The following YAF2 variants were observed in gnomAD, a reference collection of about 807,000 sequenced individuals.
YAF2 encodes the protein YY1 associated factor 2.
A neutral mutation model predicts 20.1 loss-of-function variants in YAF2; 7 were observed. That is an observed-to-expected ratio of 0.35 (90% CI 0.20 to 0.65). YAF2 has a LOEUF of 0.65. Among genes scored for constraint, YAF2 ranks in the 30% least tolerant of loss-of-function variants. The pLI, the probability that YAF2 is intolerant of heterozygous loss-of-function variation, is 0.69. For missense variants in YAF2, 151 were observed against 219.2 expected (o/e 0.69, Z 1.96); for synonymous variants, 74 against 76.0 (o/e 0.97, Z 0.14).
rs2068069788 is a variant in YAF2, at chr12:42,234,198, AGAAAAGAAAAG to A, written c.152+3390_152+3400del. On this transcript the variant is annotated intron_variant, in intron 2 of 3. Coordinates refer to ENST00000534854, the MANE Select transcript of YAF2 (RefSeq NM_005748.6). ...TCTGCCTCAAAAAAAAAAAGAGAAA[AGAAAAGAAAAG>A]AAAAGAAAAGAAAAGAAAAGAAAGA... 2.6e-5 allele frequency: 4 copies of A among 152,506 alleles called. No individual in the cohort carries two copies. The African/African-American group carries it at 5.5e-4, about 21-fold the overall frequency. The allele number at this position is 152,506 out of a possible 1,614,324, so 9.4% of individuals were successfully genotyped here. A position where few individuals can be genotyped will look rare whatever the true frequency, so the allele number is the denominator to read the frequency against.
intron 2 of YAF2, among the ~76,000 whole-genome samples, chr12:42,209,177 C>CAACAT (rs1170050264): frequency 6.6e-6 from 1 of 151,438 alleles, no homozygotes; most frequent in Non-Finnish European, 1.5e-5. Flanking sequence ...AATAGACTTG[C>CAACAT]AACATATCCT....
intron 2 of YAF2, among the ~76,000 whole-genome samples, chr12:42,187,080 G>A (rs1281871846): frequency 6.6e-6 from 1 of 151,826 alleles, no homozygotes; most frequent in Non-Finnish European, 1.5e-5. Context: ...CACAGATTTG[G>A]TTTATTATGA....
rs1216541573 is a variant in YAF2, at chr12:42,236,024, A to G, written c.152+1575T>C. ...TGCAAATAAACATATAGGCTCTTCT[A>G]GTTTCAGTATTTTTCTAATGGCTAC... On this transcript the variant is annotated intron_variant, in intron 2 of 3. Transcript: ENST00000534854. The G allele has an allele frequency of 3.9e-6, 6 of 1,534,786 alleles. No homozygotes were observed. In the South Asian group the frequency reaches 7.1e-5, roughly 18 times the overall value.
intron 2 of YAF2, among the ~76,000 whole-genome samples, chr12:42,199,901 C>CA (rs1285016511): frequency 6.6e-6 from 1 of 152,102 alleles, no homozygotes; most frequent in African/African-American, 2.4e-5. Flanking sequence ...TGGCACATAA[C>CA]AATTCAAGGT....
In YAF2 at chr12:42,160,842, TGAAA is replaced by T. The variant is rs1380097075; in HGVS notation, c.306-20_306-17del. The T allele has an allele frequency of 6.3e-7, 1 of 1,580,064 alleles. No individual in the cohort carries two copies. Among genetic ancestry groups the T allele is most frequent in the Non-Finnish European group, 8.6e-7 (1 of 1,164,412 alleles). On this transcript the variant is annotated splice_polypyrimidine_tract_variant and intron_variant, in intron 3 of 3. Coordinates refer to ENST00000534854, the MANE Select transcript of YAF2 (RefSeq NM_005748.6). The stretch of plus-strand genomic sequence containing the variant: ...CAATCTTGGCCTAAACATAAAAAAA[TGAAA>T]TTTTAAACTAGCTTTTCCCTCTACC...
At chr12:42,198,378 G>C (rs2066810165) in intron 2 of YAF2, among the ~76,000 whole-genome samples, 1 of 152,164 alleles carries the variant, frequency 6.6e-6, no homozygotes, top group African/African-American at 2.4e-5. Flanking sequence ...GAGCTCAGGA[G>C]TTTGAGACCA....
At chr12:42,194,763 A>G (rs1454201959) in intron 2 of YAF2, among the ~76,000 whole-genome samples, 1 of 152,228 alleles carries the variant, frequency 6.6e-6, no homozygotes, top group Admixed American at 6.5e-5. Flanking sequence ...CAGGCCCTAC[A>G]TTACAGGTAT....
intron 2 of YAF2, among the ~76,000 whole-genome samples, chr12:42,214,094 ATC>A (rs1025321717): frequency 3.9e-5 from 6 of 152,130 alleles, no homozygotes; most frequent in Non-Finnish European, 1.5e-5. Flanking sequence ...TTCCAATAAA[ATC>A]TCAGTGTCAT....
intron 2 of YAF2, among the ~76,000 whole-genome samples, chr12:42,189,739 G>A (rs1404211766): frequency 1.3e-5 from 2 of 151,996 alleles, no homozygotes; most frequent in Non-Finnish European, 2.9e-5. Flanking sequence ...GTATTAATTA[G>A]TATTAATTAA....
intron 2 of YAF2, 136 bp downstream of exon 2, chr12:42,237,463 C>T: frequency 7.4e-7 from 1 of 1,354,924 alleles, no homozygotes; most frequent in East Asian, 3.2e-5. Flanking sequence ...TGACCCAGTT[C>T]CTATCGCCAC....
At chr12:42,214,510 G>A (rs1243315470) in intron 2 of YAF2, among the ~76,000 whole-genome samples, 5 of 151,734 alleles carry the variant, frequency 3.3e-5, no homozygotes, top group Admixed American at 3.3e-4. Context: ...GAGCTAAAGT[G>A]ATCCAATGGC....
intron 2 of YAF2, among the ~76,000 whole-genome samples, chr12:42,216,269 A>G (rs2067355320): frequency 6.6e-6 from 1 of 152,224 alleles, no homozygotes; most frequent in South Asian, 2.1e-4. Flanking sequence ...ATCACTACGC[A>G]AAAGTATTAT....
At position 42,235,582 on chromosome 12, in the gene YAF2, A is replaced by T. The variant is rs2068124188; in HGVS notation, c.152+2017T>A. On this transcript the variant is annotated intron_variant, in intron 2 of 3. Transcript: ENST00000534854. ...AGAGAATTCAGAGAGAGGAAGGAAG[A>T]AGCTGAGAGGGTCGTGGTGTAGAAC... 4 of 1,420,370 alleles carry T rather than the reference A, an allele frequency of 2.8e-6. No individual in the cohort carries two copies. In the South Asian group the frequency reaches 6.0e-5, roughly 21 times the overall value. 88.0% of individuals were successfully genotyped at this position (1,420,370 alleles called of 1,614,324 possible).
At chr12:42,165,187 G>C (rs1286203356) in intron 2 of YAF2, among the ~76,000 whole-genome samples, 1 of 151,910 alleles carries the variant, frequency 6.6e-6, no homozygotes, top group Non-Finnish European at 1.5e-5. Flanking sequence ...GCCCTCATGC[G>C]CTAAAAATTA....
At chr12:42,235,571 G>A (rs2068123607) in intron 2 of YAF2, 1 of 1,403,702 alleles carries the variant, frequency 7.1e-7, no homozygotes, top group Non-Finnish European at 9.2e-7. Flanking sequence ...AATTCAGAGA[G>A]AGGAAGGAAG....
chr12:42,204,582 G>A (rs1040603431), intron 2 of YAF2, among the ~76,000 whole-genome samples: 4 of 152,290 alleles, frequency 2.6e-5, no homozygotes, highest in Admixed American at 6.5e-5. Flanking sequence ...TTAAGCATCT[G>A]AGGGAAGTCC....
At chr12:42,203,556 C>T (rs2066956881) in intron 2 of YAF2, among the ~76,000 whole-genome samples, 1 of 152,050 alleles carries the variant, frequency 6.6e-6, no homozygotes, top group Non-Finnish European at 1.5e-5. Context: ...AAAAAAAAAG[C>T]TCATTTCTGT....
chr12:42,226,868 C>A (rs1323848514), intron 2 of YAF2, among the ~76,000 whole-genome samples: 6 of 150,686 alleles, frequency 4.0e-5, no homozygotes, highest in Non-Finnish European at 8.9e-5. Context: ...CGCCGGAGGC[C>A]CCAGAAGGCT....
At chr12:42,169,126 T>G (rs2065981984) in intron 2 of YAF2, among the ~76,000 whole-genome samples, 1 of 152,198 alleles carries the variant, frequency 6.6e-6, no homozygotes, top group East Asian at 1.9e-4. Context: ...TTTCCAAACC[T>G]CTTTCCTATC....
Sources: allele counts gnomAD v4.1 joint callset (sites outside exome capture counted in the v4.1 genomes callset), GRCh38; gene constraint gnomAD v4.1.1; transcripts MANE v1.5; gene names NCBI Gene and HGNC (gene_info 2026-07-23, HGNC 2026-07-21).